AGBL1: variants seen among roughly 807,000 people sequenced by gnomAD.
AGBL1 encodes the protein AGBL carboxypeptidase 1.
In AGBL1, 130 loss-of-function variants were observed where a neutral mutation model predicts 118.9. The observed-to-expected ratio is 1.09, with a 90% confidence interval of 0.95 to 1.26. The LOEUF (loss-of-function observed/expected upper bound fraction) is 1.26, where lower values mean the gene tolerates loss of function less well. Among genes scored for constraint, AGBL1 ranks in the 50% most tolerant of loss-of-function variants. AGBL1 has a pLI of 0.00. For synonymous variants in AGBL1, 555 were observed against 478.9 expected, an observed-to-expected ratio of 1.16 and a Z score of -2.08; for missense variants, 1,584 against 1,298.1, an observed-to-expected ratio of 1.22 and a Z score of -3.38.
chr15:86,474,128 G>C (rs1319226570), intron 18 of AGBL1, among the ~76,000 whole-genome samples: 1 of 152,178 alleles, frequency 6.6e-6, no homozygotes, highest in Non-Finnish European at 1.5e-5. Flanking sequence ...AATAGCTCAA[G>C]TCTACAGCTC....
At chr15:86,812,740 A>C (rs2078807508) in intron 22 of AGBL1, among the ~76,000 whole-genome samples, 1 of 152,174 alleles carries the variant, frequency 6.6e-6, no homozygotes, top group South Asian at 2.1e-4. Context: ...AATGCACAGC[A>C]TGCAGACCCA....
chr15:86,739,974 C>G (rs552489823), intron 22 of AGBL1, among the ~76,000 whole-genome samples: 1 of 152,314 alleles, frequency 6.6e-6, no homozygotes, highest in South Asian at 2.1e-4. Flanking sequence ...TAAATAACCC[C>G]TTTCACCTTT....
chr15:86,953,605 G>T (rs552365088), intron 23 of AGBL1, among the ~76,000 whole-genome samples: 1 of 151,958 alleles, frequency 6.6e-6, no homozygotes. Context: ...TGGCCAGGCT[G>T]TTCTCAAACT....
chr15:86,254,249 A>G (rs1247616598), intron 7 of AGBL1, among the ~76,000 whole-genome samples: 1 of 152,234 alleles, frequency 6.6e-6, no homozygotes, highest in Non-Finnish European at 1.5e-5. Flanking sequence ...CTAAATGCTT[A>G]CTATTCGGCA....
chr15:86,480,411 A>G (rs1305235979), intron 18 of AGBL1, among the ~76,000 whole-genome samples: 5 of 152,130 alleles, frequency 3.3e-5, no homozygotes, highest in Admixed American at 6.5e-5. Context: ...TGCTTATGTT[A>G]GAGTTCAGGT....
At chr15:86,216,132 G>A (rs922539781) in intron 5 of AGBL1, among the ~76,000 whole-genome samples, 2 of 152,128 alleles carry the variant, frequency 1.3e-5, no homozygotes, top group Non-Finnish European at 2.9e-5. Flanking sequence ...TTGTTTATTA[G>A]TTTTAATAGT....
At chr15:86,116,857 C>T (rs942789215) in intron 1 of AGBL1, 2 of 152,172 alleles carry the variant, frequency 1.3e-5, no homozygotes, top group African/African-American at 2.4e-5. Flanking sequence ...CAATAAATCT[C>T]TCTCACTGGT....
intron 21 of AGBL1, among the ~76,000 whole-genome samples, chr15:86,597,863 T>C (rs1025502589): frequency 2.5e-5 from 3 of 119,182 alleles, no homozygotes; most frequent in East Asian, 6.3e-4. Flanking sequence ...ACTTATGTGA[T>C]TGGTTTGGGG....
chr15:86,490,962 CA>C (rs1441359388), intron 18 of AGBL1, among the ~76,000 whole-genome samples: 1 of 152,096 alleles, frequency 6.6e-6, no homozygotes, highest in Non-Finnish European at 1.5e-5. Context: ...ACTTCTATTC[CA>C]TTTCTACTGA....
At chr15:86,143,599 A>G in intron 2 of AGBL1, 100 bp from the exon 3 acceptor site, 1 of 1,414,730 alleles carries the variant, frequency 7.1e-7, no homozygotes, top group Non-Finnish European at 9.6e-7. Flanking sequence ...GTTGAAATGA[A>G]CTAATTCTTG....
chr15:86,596,309 C>A (rs1046438017), intron 21 of AGBL1, among the ~76,000 whole-genome samples: 5 of 152,112 alleles, frequency 3.3e-5, no homozygotes, highest in Admixed American at 2.6e-4. Flanking sequence ...TGCTAGGATC[C>A]AAGTCCCCAT....
chr15:86,870,454 C>CAAAAAAAAAAAAAAGAAAAAAAAAAAA (rs2079705868), intron 22 of AGBL1, among the ~76,000 whole-genome samples: 1 of 64,130 alleles, frequency 1.6e-5, no homozygotes, highest in Non-Finnish European at 2.8e-5. Flanking sequence ...AAGCATACTG[C>CAAAAAAAAAAAAAAGAAAAAAAAAAAA]AAAAAAAAAA....
At chr15:86,332,209 CTT>C (rs1597739645) in intron 17 of AGBL1, among the ~76,000 whole-genome samples, 1 of 152,168 alleles carries the variant, frequency 6.6e-6, no homozygotes, top group Admixed American at 6.5e-5. Flanking sequence ...AGCAAGAAGA[CTT>C]ATCTTAAATA....
intron 3 of AGBL1, among the ~76,000 whole-genome samples, chr15:86,153,819 A>G (rs1172205719): frequency 1.3e-5 from 2 of 152,044 alleles, no homozygotes; most frequent in East Asian, 3.8e-4. Flanking sequence ...TTCTTCACCT[A>G]TTTATTTTTA....
At chr15:86,533,690 T>C (rs2142224308) in intron 19 of AGBL1, among the ~76,000 whole-genome samples, 2 of 126,314 alleles carry the variant, frequency 1.6e-5, no homozygotes, top group Admixed American at 7.7e-5. Flanking sequence ...TTATTCACAA[T>C]AGCAAAGACT....
chr15:86,334,769 A>C (rs2080333459), intron 17 of AGBL1, among the ~76,000 whole-genome samples: 1 of 152,212 alleles, frequency 6.6e-6, no homozygotes, highest in African/African-American at 2.4e-5. Context: ...CTATACTATA[A>C]GGCTACAGTA....
chr15:86,800,053 T>C (rs1246085835), intron 22 of AGBL1, among the ~76,000 whole-genome samples: 1 of 152,124 alleles, frequency 6.6e-6, no homozygotes, highest in African/African-American at 2.4e-5. Flanking sequence ...TTATTCTCAT[T>C]TTTCATCTTA....
chr15:87,029,174 C>G (rs774839388), downstream of AGBL1: 69 of 203,252 alleles, frequency 3.4e-4, no homozygotes, highest in East Asian at 1.8e-3. Flanking sequence ...GTCTTCTACT[C>G]AAGCATTAAA....
At chr15:86,357,492 T>C (rs2080739652) in intron 17 of AGBL1, among the ~76,000 whole-genome samples, 2 of 152,182 alleles carry the variant, frequency 1.3e-5, no homozygotes, top group Admixed American at 1.3e-4. Flanking sequence ...TTTTATTCTT[T>C]CCTATTTGCC....
Sources: gnomAD v4.1 joint callset for allele counts (sites outside exome capture counted in the v4.1 genomes callset) on GRCh38, gnomAD v4.1.1 for gene constraint, MANE v1.5 for transcripts, NCBI Gene and HGNC (gene_info 2026-07-23, HGNC 2026-07-21) for gene names.